Variants in NAV3 observed in about 807,000 individuals in gnomAD.
NAV3 encodes the protein pore membrane and/or filament interacting like protein 1.
A neutral mutation model predicts 244.7 loss-of-function variants in NAV3; 87 were observed. The observed-to-expected ratio is 0.36, with a 90% confidence interval of 0.30 to 0.42. The LOEUF (loss-of-function observed/expected upper bound fraction) is 0.42. NAV3 is among the 20% of genes least tolerant of loss of function. NAV3 has a pLI of 1.00. For missense variants in NAV3, 2,663 were observed against 2,893.3 expected, an observed-to-expected ratio of 0.92 and a Z score of 1.83; for synonymous variants, 1,126 against 1,042.2, an observed-to-expected ratio of 1.08 and a Z score of -1.55.
chr12:78,138,475 G>C (rs1046816906), intron 19 of NAV3, among the ~76,000 whole-genome samples: 1 of 152,076 alleles, frequency 6.6e-6, no homozygotes, highest in Non-Finnish European at 1.5e-5. Flanking sequence ...CAATATACTG[G>C]CATTAAATCA....
At chr12:77,717,317 T>G (rs1386337087) in intron 2 of NAV3, among the ~76,000 whole-genome samples, 5 of 152,074 alleles carry the variant, frequency 3.3e-5, no homozygotes, top group Non-Finnish European at 5.9e-5. Flanking sequence ...TATTCTACTT[T>G]CTCCTTCTAT....
chr12:77,926,248 AC>A (rs1888204043), intron 1 of NAV3, among the ~76,000 whole-genome samples: 1 of 152,188 alleles, frequency 6.6e-6, no homozygotes, highest in African/African-American at 2.4e-5. Context: ...ATTAATTATA[AC>A]CTATCTTGAA....
chr12:77,746,960 T>A (rs1031522433), intron 2 of NAV3, among the ~76,000 whole-genome samples: 1 of 152,144 alleles, frequency 6.6e-6, no homozygotes, highest in African/African-American at 2.4e-5. Context: ...CTTGTCAAAC[T>A]CAATTGCACT....
At chr12:77,971,700 A>G (rs1459428589) in intron 5 of NAV3, among the ~76,000 whole-genome samples, 1 of 152,124 alleles carries the variant, frequency 6.6e-6, no homozygotes, top group Non-Finnish European at 1.5e-5. Flanking sequence ...ATGATTTATG[A>G]TGCCTTTCTA....
At chr12:77,685,960 C>G (rs1167672516) in intron 2 of NAV3, among the ~76,000 whole-genome samples, 6 of 152,092 alleles carry the variant, frequency 3.9e-5, no homozygotes, top group African/African-American at 1.4e-4. Flanking sequence ...ATAGTAGTGT[C>G]TCTTTAACAT....
intron 2 of NAV3, among the ~76,000 whole-genome samples, chr12:77,626,314 G>A (rs986409504): frequency 6.6e-6 from 1 of 151,998 alleles, no homozygotes; most frequent in East Asian, 1.9e-4. Flanking sequence ...GGGCCTATGG[G>A]ACACCATAAA....
intron 1 of NAV3, among the ~76,000 whole-genome samples, chr12:77,885,346 G>A (rs1003241744): frequency 6.6e-6 from 1 of 152,058 alleles, no homozygotes; most frequent in Non-Finnish European, 1.5e-5. Flanking sequence ...CTTGCCAAAG[G>A]TTGTACTGCT....
Position 77,998,338 on chromosome 12 carries a change from C to A in NAV3, c.742C>A (p.Leu248Ile). The change falls in exon 7 of 40, where the codon CTT (leucine) becomes ATT (isoleucine). Residue 248 changes from leucine (L) to isoleucine (I), a missense_variant and splice_region_variant. Leu to Ile is a conservative substitution (Grantham distance 5). Around this residue, in one of 6 missense-constraint regions of NAV3, gnomAD observed 1,521 missense variants for 1,497.0 expected, o/e 1.02. Coordinates refer to ENST00000397909, the MANE Select transcript of NAV3 (RefSeq NM_001024383.2). ...IATSQKKPTR[L>I]PGPSRVPAAG... is the part of the protein sequence containing the mutation. ...GTAATTTTTCTTATACTATTTCAGG[C>A]TTCCAGGGCCCTCTAGGGTGCCTGC... 6.4e-7 allele frequency: 1 copy of A among 1,554,480 alleles called. No individual in the cohort carries two copies. The highest frequency in any genetic ancestry group is 8.6e-7 in the Non-Finnish European group (1 of 1,156,606).
At chr12:77,873,679 G>GTGTATATA (rs540390004) in intron 1 of NAV3, among the ~76,000 whole-genome samples, 1,834 of 107,180 alleles carry the variant, frequency 0.017, 93 homozygotes, top group Admixed American at 0.046. Context: ...ATTTGTATGT[G>GTGTATATA]TATATATATA....
intron 2 of NAV3, among the ~76,000 whole-genome samples, chr12:77,605,522 G>A (rs1198951977): frequency 6.6e-6 from 1 of 152,110 alleles, no homozygotes; most frequent in Non-Finnish European, 1.5e-5. Context: ...ATTAATGTGT[G>A]TTGGAACTTC....
chr12:77,622,581 G>A (rs1355118779), intron 2 of NAV3, among the ~76,000 whole-genome samples: 1 of 126,520 alleles, frequency 7.9e-6, no homozygotes, highest in Non-Finnish European at 1.6e-5. Context: ...GAAAGAGAAT[G>A]ATTATGTAAG....
At chr12:77,970,392 C>T (rs1892898614) in intron 5 of NAV3, among the ~76,000 whole-genome samples, 1 of 152,134 alleles carries the variant, frequency 6.6e-6, no homozygotes, top group South Asian at 2.1e-4. Context: ...AATCACTTCT[C>T]TTTCATCTAC....
In NAV3 at chr12:78,140,521, G is replaced by T. The variant is rs1956562650; in HGVS notation, c.4683+187G>T. Among the ~76,000 whole-genome samples, 4 of 152,054 alleles carry T rather than the reference G, an allele frequency of 2.6e-5. No individual in the cohort carries two copies. The South Asian group carries it at 8.3e-4, about 32-fold the overall frequency. ...CCAGGTGCTCCACCTGCCATTCTTTGGTCACTTACATGTGCTTTCACTTGG... is the reference window on the plus strand; with the variant it reads ...CCAGGTGCTCCACCTGCCATTCTTTTGTCACTTACATGTGCTTTCACTTGG... On this transcript the variant is annotated intron_variant, in intron 20 of 39. Coordinates refer to ENST00000397909, the MANE Select transcript of NAV3 (RefSeq NM_001024383.2).
intron 9 of NAV3, among the ~76,000 whole-genome samples, chr12:78,040,556 G>C (rs1267981802): frequency 1.3e-5 from 2 of 152,044 alleles, no homozygotes; most frequent in African/African-American, 4.8e-5. Context: ...ATGAAAAGAT[G>C]GAACATAATT....
At chr12:78,096,530 G>A (rs1214529342) in intron 12 of NAV3, among the ~76,000 whole-genome samples, 3 of 152,124 alleles carry the variant, frequency 2.0e-5, no homozygotes, top group African/African-American at 7.2e-5. Context: ...GGCTGGGGAG[G>A]CCTCACAATC....
chr12:78,123,633 G>A (rs906066643), intron 16 of NAV3, among the ~76,000 whole-genome samples: 6 of 152,092 alleles, frequency 3.9e-5, no homozygotes, highest in African/African-American at 9.7e-5. Flanking sequence ...GGGGCTTCCC[G>A]ATGATAAAGT....
intron 12 of NAV3, among the ~76,000 whole-genome samples, chr12:78,086,089 A>T (rs1173507180): frequency 1.3e-5 from 2 of 152,080 alleles, no homozygotes. Context: ...CCTTTTCTAC[A>T]AAATAATTAA....
chr12:78,084,570 CT>C (rs1488615293), intron 12 of NAV3, among the ~76,000 whole-genome samples: 1 of 151,984 alleles, frequency 6.6e-6, no homozygotes, highest in Non-Finnish European at 1.5e-5. Flanking sequence ...CCATATTGCC[CT>C]TGAGCCACCA....
chr12:78,143,579 A>C (rs926455677), intron 20 of NAV3, among the ~76,000 whole-genome samples: 3 of 142,152 alleles, frequency 2.1e-5, no homozygotes, highest in Admixed American at 7.6e-5. Flanking sequence ...TGCTGCAGTG[A>C]GCGCCACTGC....
Sources: allele counts gnomAD v4.1 joint callset (sites outside exome capture counted in the v4.1 genomes callset), GRCh38; gene constraint gnomAD v4.1.1; regional missense constraint gnomAD v4.1.1; transcripts MANE v1.5; gene names NCBI Gene and HGNC (gene_info 2026-07-23, HGNC 2026-07-21).